The following POU2F3 variants were observed in gnomAD, a reference collection of about 807,000 sequenced individuals.
The protein encoded by POU2F3 is POU class 2 homeobox 3.
Under a neutral mutation model 59.2 loss-of-function variants are expected in POU2F3, and 23 were observed. The ratio of observed to expected loss-of-function variants is 0.39; its 90% CI spans 0.28 to 0.55. POU2F3 has a LOEUF of 0.55. POU2F3 is among the 20% of genes least tolerant of loss of function. POU2F3 has a pLI of 0.66. For synonymous variants in POU2F3, 190 were observed against 214.6 expected (o/e 0.89, Z 1.00); for missense variants, 473 against 544.5 (o/e 0.87, Z 1.31).
At chr11:120,305,526 G>T in intron 7 of POU2F3, 118 bp from the exon 8 acceptor site, 1 of 1,430,946 alleles carries the variant, frequency 7.0e-7, no homozygotes, top group South Asian at 1.3e-5. Flanking sequence ...GCCGAGCATG[G>T]GTGAGCACTC....
intron 2 of POU2F3, among the ~76,000 whole-genome samples, chr11:120,261,122 G>A (rs1939575556): frequency 7.1e-6 from 1 of 140,604 alleles, no homozygotes; most frequent in African/African-American, 2.8e-5. Flanking sequence ...AGAAAACAGT[G>A]CTTTGGGGTT....
rs1255041847 is a variant in POU2F3 at position 120,319,210 on chromosome 11, CACA to C, written c.*823_*825del. 5 of 152,626 alleles carry C rather than the reference CACA, an allele frequency of 3.3e-5. No homozygotes were observed. Among genetic ancestry groups the C allele is most frequent in the African/African-American group, 4.8e-5 (2 of 41,436 alleles). 9.5% of individuals were successfully genotyped at this position (152,626 alleles called of 1,614,324 possible). A position where few individuals can be genotyped will look rare whatever the true frequency, so the allele number is the denominator to read the frequency against. On this transcript the variant is annotated 3_prime_UTR_variant, in exon 13 of 13. Transcript: ENST00000543440. The stretch of plus-strand genomic sequence containing the variant: ...AAAAGGAAGAACACAAGAGCAAACA[CACA>C]ACAATGATGGTGGCAAAGTACCTGT...
upstream of POU2F3, among the ~76,000 whole-genome samples, chr11:120,237,023 G>A (rs1157142426): frequency 3.3e-5 from 5 of 152,148 alleles, no homozygotes; most frequent in Admixed American, 3.3e-4. Flanking sequence ...ATAAGAGAAG[G>A]GGAAGCTCAG....
At chr11:120,301,418 A>G (rs746126161) in intron 5 of POU2F3, 10 of 202,872 alleles carry the variant, frequency 4.9e-5, no homozygotes, top group Non-Finnish European at 9.0e-5. Flanking sequence ...ATAATGAACA[A>G]TGAAGCCCTG....
chr11:120,264,631 TCAG>T (rs1273162353), intron 2 of POU2F3, among the ~76,000 whole-genome samples: 1 of 152,212 alleles, frequency 6.6e-6, no homozygotes, highest in Non-Finnish European at 1.5e-5. Context: ...AGCCTAGCCA[TCAG>T]CTTATCTCAC....
intron 4 of POU2F3, 140 bp from the exon 5 acceptor site, chr11:120,299,484 G>A (rs543675911): frequency 3.2e-6 from 2 of 634,540 alleles, no homozygotes; most frequent in South Asian, 3.9e-5. Context: ...AGACACTGGG[G>A]ATACACAGTG....
intron 3 of POU2F3, among the ~76,000 whole-genome samples, chr11:120,279,029 G>A (rs1236026244): frequency 6.6e-6 from 1 of 152,120 alleles, no homozygotes; most frequent in Admixed American, 6.5e-5. Context: ...GAGTATAAAA[G>A]GGTTTAGCAA....
intron 8 of POU2F3, among the ~76,000 whole-genome samples, chr11:120,306,759 T>C (rs896382789): frequency 6.6e-6 from 1 of 152,118 alleles, no homozygotes; most frequent in Non-Finnish European, 1.5e-5. Flanking sequence ...CTGTTACTCA[T>C]ACGGAAGGGC....
At chr11:120,312,696 C>T (rs1037490659) in intron 10 of POU2F3, among the ~76,000 whole-genome samples, 9 of 152,164 alleles carry the variant, frequency 5.9e-5, no homozygotes, top group East Asian at 3.9e-4. Flanking sequence ...GAACCGCACA[C>T]GTGACCCCTG....
chr11:120,307,677 C>A lies in POU2F3; in HGVS notation c.906+62C>A, dbSNP rs540571987. On this transcript the variant is annotated intron_variant, in intron 9 of 12. Transcript: ENST00000543440. ...CTCACACAGGTAGGGAGAGCAGACA[C>A]GGCCCAGGCCCCTTGGCACCAGCCC... The A allele has an allele frequency of 4.8e-4, 758 of 1,595,484 alleles. 2 individuals are homozygous for A. The African/African-American group carries it at 6.9e-3, about 15-fold the overall frequency.
intron 3 of POU2F3, among the ~76,000 whole-genome samples, chr11:120,292,298 C>T (rs2135265673): frequency 6.6e-6 from 1 of 152,206 alleles, no homozygotes; most frequent in African/African-American, 2.4e-5. Context: ...TTTTTATCAT[C>T]CCCATTGGGG....
At chr11:120,248,147 A>G (rs1230546301) in intron 2 of POU2F3, among the ~76,000 whole-genome samples, 1 of 152,210 alleles carries the variant, frequency 6.6e-6, no homozygotes, top group Non-Finnish European at 1.5e-5. Context: ...GTTAAGAGAG[A>G]AAGAATCCAG....
chr11:120,248,007 A>T (rs1938939482), intron 2 of POU2F3, among the ~76,000 whole-genome samples: 1 of 152,244 alleles, frequency 6.6e-6, no homozygotes, highest in Non-Finnish European at 1.5e-5. Context: ...AGAATGAGCC[A>T]CATAGAACCC....
At chr11:120,289,357 G>T (rs1010432329) in intron 3 of POU2F3, among the ~76,000 whole-genome samples, 2 of 152,102 alleles carry the variant, frequency 1.3e-5, no homozygotes, top group African/African-American at 4.8e-5. Flanking sequence ...AGGCAATTGC[G>T]GTAAATAGCT....
chr11:120,284,689 A>G (rs1238453741), intron 3 of POU2F3, among the ~76,000 whole-genome samples: 2 of 152,224 alleles, frequency 1.3e-5, no homozygotes, highest in East Asian at 3.8e-4. Flanking sequence ...GGCCATTTGA[A>G]TGGAAACAGT....
chr11:120,248,975 C>A (rs1938986710), intron 2 of POU2F3, among the ~76,000 whole-genome samples: 2 of 152,232 alleles, frequency 1.3e-5, no homozygotes, highest in Admixed American at 1.3e-4. Flanking sequence ...AAAGCCCCAG[C>A]TCCCTGAAAG....
At chr11:120,265,471 G>A (rs1939790443) in intron 2 of POU2F3, 1 of 152,270 alleles carries the variant, frequency 6.6e-6, no homozygotes, top group Non-Finnish European at 1.5e-5. Flanking sequence ...AGATACCACA[G>A]CAGATAAGAA....
intron 3 of POU2F3, 92 bp downstream of exon 3, chr11:120,269,336 GT>G: frequency 9.1e-7 from 1 of 1,094,292 alleles, no homozygotes; most frequent in Admixed American, 2.0e-5. Context: ...ATTAAGTACA[GT>G]TTGGGGGTGT....
chr11:120,282,165 G>A lies in POU2F3; in HGVS notation c.132+12921G>A, dbSNP rs114166557. Among the ~76,000 whole-genome samples the A allele has an allele frequency of 8.9e-3, 1,351 of 152,236 alleles. 22 individuals carry two copies. Among genetic ancestry groups the A allele is most frequent in the African/African-American group, 0.03 (1,265 of 41,544 alleles). On this transcript the variant is annotated intron_variant, in intron 3 of 12. Transcript: ENST00000543440. Reference sequence around the variant, plus strand: ...CCTTCTTCTGAGTGTTCTTACCTGTGCCCTGGTGCTTCACTCAGTCATTAC... The same window carrying A: ...CCTTCTTCTGAGTGTTCTTACCTGTACCCTGGTGCTTCACTCAGTCATTAC...
Sources: allele counts gnomAD v4.1 joint callset (sites outside exome capture counted in the v4.1 genomes callset), GRCh38; gene constraint gnomAD v4.1.1; transcripts MANE v1.5; gene names NCBI Gene and HGNC (gene_info 2026-07-23, HGNC 2026-07-21).